Variants in GFRA2 observed in about 807,000 individuals in gnomAD.
The protein encoded by GFRA2 is GDNF family receptor alpha-2.
GFRA2 carries 17 observed loss-of-function variants against 48.3 expected under a neutral mutation model. That is an observed-to-expected ratio of 0.35 (90% CI 0.24 to 0.53). The LOEUF (loss-of-function observed/expected upper bound fraction) is 0.53, where lower values mean the gene tolerates loss of function less well. GFRA2 is among the 20% of genes least tolerant of loss of function. The probability of loss-of-function intolerance (pLI) is 0.93; values close to 1 mark genes in which losing one functional copy is unlikely to be tolerated. For missense variants in GFRA2, 660 were observed against 637.3 expected (o/e 1.04, Z -0.38); for synonymous variants, 305 against 257.2 (o/e 1.19, Z -1.78).
intron 3 of GFRA2, among the ~76,000 whole-genome samples, chr8:21,758,951 C>G (rs143832186): frequency 6.6e-6 from 1 of 152,178 alleles, no homozygotes; most frequent in South Asian, 2.1e-4. Context: ...GAACCGGAGT[C>G]CCTGCATTAG....
chr8:21,767,289 T>G (rs1806217394), intron 3 of GFRA2, among the ~76,000 whole-genome samples: 1 of 150,568 alleles, frequency 6.6e-6, no homozygotes, highest in Non-Finnish European at 1.5e-5. Context: ...CCACTGCCTA[T>G]ACATATCTAC....
chr8:21,797,681 C>G, intron 2 of GFRA2: 1 of 152,150 alleles, frequency 6.6e-6, no homozygotes, highest in East Asian at 1.9e-4. Flanking sequence ...TCTTTGTCTA[C>G]TACAGGCGTG....
chr8:21,777,213 C>T, intron 2 of GFRA2, among the ~76,000 whole-genome samples: 1 of 152,226 alleles, frequency 6.6e-6, no homozygotes, highest in Non-Finnish European at 1.5e-5. Context: ...GCTGTGAATA[C>T]TGTCTCCCAA....
At chr8:21,749,964 A>G (rs1347320648) in intron 4 of GFRA2, among the ~76,000 whole-genome samples, 2 of 152,152 alleles carry the variant, frequency 1.3e-5, no homozygotes, top group Non-Finnish European at 2.9e-5. Context: ...AGTGCTTACC[A>G]ACATAGTAGC....
intron 2 of GFRA2, among the ~76,000 whole-genome samples, chr8:21,800,052 C>T (rs1807744228): frequency 6.6e-6 from 1 of 152,210 alleles, no homozygotes; most frequent in East Asian, 1.9e-4. Flanking sequence ...AATGAGTCTG[C>T]TCTCCCATTT....
At chr8:21,796,902 G>C (rs1407542997) in intron 2 of GFRA2, among the ~76,000 whole-genome samples, 4 of 152,204 alleles carry the variant, frequency 2.6e-5, no homozygotes, top group Admixed American at 2.0e-4. Context: ...GCCTTCAACA[G>C]CCTTCGGTGC....
chr8:21,801,901 G>A (rs1807778652), intron 2 of GFRA2, among the ~76,000 whole-genome samples: 1 of 152,166 alleles, frequency 6.6e-6, no homozygotes, highest in Admixed American at 6.5e-5. Context: ...ATGGGACTCG[G>A]GTGCTGGAGA....
rs746027574 is a variant in GFRA2 at position 21,750,939 on chromosome 8, G to C, written c.443C>G (p.Thr148Arg). 7 of 1,607,616 alleles carry C rather than the reference G, an allele frequency of 4.4e-6. No homozygotes were observed. The highest frequency in any genetic ancestry group is 6.0e-6 in the Non-Finnish European group (7 of 1,175,950). ...IFRLASIFSG[T>R]GADPVVSAKS... ...GGCGCTGACCACCGGGTCTGCCCCT[G>C]TCCCTGGAGGAGGAACAAGAGAGCA... is the stretch of plus-strand genomic sequence containing the variant. The change falls in exon 4 of 9, where the codon ACA becomes AGA. Residue 148 changes from threonine (T) to arginine (R), a missense_variant. Physicochemically the swap from Thr to Arg is moderately conservative, Grantham distance 71. Coordinates refer to ENST00000524240, the MANE Select transcript of GFRA2 (RefSeq NM_001495.5). This position sits in a 1 kb window ranked among gnomAD's most constrained non-coding sequence, Gnocchi z 5.7.
At chr8:21,706,763 A>T (rs1436099798) in intron 4 of GFRA2, among the ~76,000 whole-genome samples, 1 of 152,186 alleles carries the variant, frequency 6.6e-6, no homozygotes, top group African/African-American at 2.4e-5. Flanking sequence ...CTCCTTGTGC[A>T]CAGCTCTATG....
intron 4 of GFRA2, among the ~76,000 whole-genome samples, chr8:21,717,620 G>A (rs889023541): frequency 1.3e-5 from 2 of 152,296 alleles, no homozygotes; most frequent in Admixed American, 6.5e-5. Context: ...CCTTCTGTTA[G>A]AGAAAATGTT....
chr8:21,754,440 G>T (rs1473092524), intron 3 of GFRA2, among the ~76,000 whole-genome samples: 1 of 151,982 alleles, frequency 6.6e-6, no homozygotes, highest in Admixed American at 6.5e-5. Context: ...AAACTTGGGG[G>T]ATGATCAACG....
chr8:21,722,872 G>A (rs1422890059), intron 4 of GFRA2, among the ~76,000 whole-genome samples: 1 of 152,198 alleles, frequency 6.6e-6, no homozygotes, highest in Non-Finnish European at 1.5e-5. Flanking sequence ...GGCAGTGCAT[G>A]CACCAGGGCT....
intron 3 of GFRA2, 79 bp from the exon 4 acceptor site, chr8:21,751,021 C>T (rs1274892116): frequency 2.2e-6 from 2 of 925,898 alleles, no homozygotes; most frequent in East Asian, 2.6e-5. Context: ...TGGAAGATGT[C>T]TCCCAGTACT....
rs572200503 is a variant in GFRA2 at position 21,766,537 on chromosome 8, G to A, written c.439+8435C>T. ...CGAGTTAGCGCGGAAGCCTCCAGTCGCAGGACGCCCCAAACACACGAACCA... is the reference window on the plus strand; with the variant it reads ...CGAGTTAGCGCGGAAGCCTCCAGTCACAGGACGCCCCAAACACACGAACCA... On this transcript the variant is annotated intron_variant, in intron 3 of 8. Transcript: ENST00000524240. Among the ~76,000 whole-genome samples, 3 of 151,680 alleles carry A rather than the reference G, an allele frequency of 2.0e-5. No homozygotes were observed. The East Asian group carries it at 5.9e-4, about 30-fold the overall frequency.
At chr8:21,738,228 T>G in intron 4 of GFRA2, among the ~76,000 whole-genome samples, 1 of 116,526 alleles carries the variant, frequency 8.6e-6, no homozygotes, top group Non-Finnish European at 1.7e-5. Flanking sequence ...TCCTCCCCTC[T>G]TCCCCACCCC....
intron 7 of GFRA2, among the ~76,000 whole-genome samples, chr8:21,696,655 G>T (rs1802191476): frequency 6.6e-6 from 1 of 152,094 alleles, no homozygotes; most frequent in Middle Eastern, 3.2e-3. Flanking sequence ...GGAGAGAGAG[G>T]ATCTAAAGGC....
At chr8:21,714,546 G>A (rs568856093) in intron 4 of GFRA2, among the ~76,000 whole-genome samples, 74 of 152,090 alleles carry the variant, frequency 4.9e-4, no homozygotes, top group Non-Finnish European at 9.4e-4. Context: ...TGAAGTTCTC[G>A]TTTATCAGGT....
intron 4 of GFRA2, among the ~76,000 whole-genome samples, chr8:21,738,978 T>A (rs1804619008): frequency 6.6e-6 from 1 of 152,184 alleles, no homozygotes; most frequent in African/African-American, 2.4e-5. Flanking sequence ...GTGAAGAACA[T>A]GCCCAGCTCC....
At chr8:21,780,233 ACGATGGC>A (rs1463678038) in intron 2 of GFRA2, among the ~76,000 whole-genome samples, 1 of 151,830 alleles carries the variant, frequency 6.6e-6, no homozygotes, top group East Asian at 1.9e-4. Flanking sequence ...CCTGCCCCAT[ACGATGGC>A]CGATGGCCGG....
Sources: allele counts gnomAD v4.1 joint callset (sites outside exome capture counted in the v4.1 genomes callset), GRCh38; gene constraint gnomAD v4.1.1; non-coding constraint Gnocchi (gnomAD v3.1); transcripts MANE v1.5; gene names NCBI Gene and HGNC (gene_info 2026-07-23, HGNC 2026-07-21).